Variants in NDST4 observed in about 807,000 individuals in gnomAD.
NDST4 encodes the protein N-deacetylase and N-sulfotransferase 4.
A neutral mutation model predicts 100.8 loss-of-function variants in NDST4; 63 were observed. The observed-to-expected ratio is 0.62, with a 90% confidence interval of 0.51 to 0.77. The LOEUF is 0.77. Ranked by LOEUF, NDST4 falls within the 30% of genes least tolerant of loss-of-function variation. The pLI, the probability that NDST4 is intolerant of heterozygous loss-of-function variation, is 0.00. For missense variants in NDST4, 943 were observed against 1,018.4 expected, an observed-to-expected ratio of 0.93 and a Z score of 1.01; for synonymous variants, 377 against 361.8, an observed-to-expected ratio of 1.04 and a Z score of -0.48.
At chr4:115,095,224 C>G (rs1183662025) in intron 1 of NDST4, among the ~76,000 whole-genome samples, 1 of 152,092 alleles carries the variant, frequency 6.6e-6, no homozygotes, top group East Asian at 1.9e-4. Flanking sequence ...CAAAGACACT[C>G]AGCACTCCAA....
At chr4:114,997,839 C>T (rs1430867209) in intron 2 of NDST4, among the ~76,000 whole-genome samples, 1 of 152,006 alleles carries the variant, frequency 6.6e-6, no homozygotes, top group East Asian at 1.9e-4. Flanking sequence ...CTGCCCACTC[C>T]AACCATCAAA....
chr4:114,856,378 C>T (rs10009402), intron 7 of NDST4, among the ~76,000 whole-genome samples: 6,630 of 152,114 alleles, frequency 0.044, 413 homozygotes, highest in South Asian at 0.18. Context: ...AAATTTTCAG[C>T]TCTAATTTTT....
intron 1 of NDST4, among the ~76,000 whole-genome samples, chr4:115,110,178 C>A (rs1729916240): frequency 6.6e-6 from 1 of 151,844 alleles, no homozygotes; most frequent in South Asian, 2.1e-4. Flanking sequence ...ATTAGAAATG[C>A]CTGTATATAT....
chr4:115,101,010 G>GTCATGAT (rs1729719441), intron 1 of NDST4, among the ~76,000 whole-genome samples: 1 of 151,896 alleles, frequency 6.6e-6, no homozygotes, highest in Non-Finnish European at 1.5e-5. Context: ...AAATAGAAGT[G>GTCATGAT]TCATGATTTG....
At position 114,970,330 on chromosome 4, in the gene NDST4, ATTCTAT is replaced by A. The variant is rs1443706598; in HGVS notation, c.1221+94_1221+99del. ...GTGATGCACCCTGATATTATATTTT[ATTCTAT>A]TTCTATCATATTCAACCCAATACAT... On this transcript the variant is annotated intron_variant, in intron 4 of 13. Transcript: ENST00000264363. The A allele has an allele frequency of 7.8e-6, 8 of 1,031,888 alleles. No individual in the cohort carries two copies. The Admixed American group carries it at 8.0e-5, about 10-fold the overall frequency. The allele number at this position is 1,031,888 out of a possible 1,614,324, so 63.9% of individuals were successfully genotyped here.
intron 4 of NDST4, among the ~76,000 whole-genome samples, chr4:114,945,913 C>T (rs1191485302): frequency 6.6e-6 from 1 of 150,660 alleles, no homozygotes; most frequent in Non-Finnish European, 1.5e-5. Context: ...GGACTGAAGC[C>T]TAGCAAATGG....
At chr4:114,967,615 T>C (rs994675367) in intron 4 of NDST4, among the ~76,000 whole-genome samples, 5 of 152,132 alleles carry the variant, frequency 3.3e-5, no homozygotes, top group Admixed American at 3.3e-4. Context: ...TAAACATGTT[T>C]TATTTTCAAG....
intron 2 of NDST4, among the ~76,000 whole-genome samples, chr4:115,058,965 A>G (rs1728758633): frequency 6.8e-6 from 1 of 147,418 alleles, no homozygotes; most frequent in South Asian, 2.1e-4. Context: ...GAAACTGTGG[A>G]AAGAGTTCTG....
intron 2 of NDST4, among the ~76,000 whole-genome samples, chr4:115,017,099 A>G (rs548269631): frequency 6.6e-6 from 1 of 152,062 alleles, no homozygotes; most frequent in East Asian, 1.9e-4. Flanking sequence ...GTATTGTTCA[A>G]TTAGTTACTT....
At chr4:114,935,647 T>C (rs569384247) in intron 5 of NDST4, among the ~76,000 whole-genome samples, 2 of 152,308 alleles carry the variant, frequency 1.3e-5, no homozygotes, top group East Asian at 1.9e-4. Flanking sequence ...CACCCAAAGA[T>C]GGAAATTCTC....
intron 6 of NDST4, among the ~76,000 whole-genome samples, chr4:114,878,939 T>A (rs1724311946): frequency 1.3e-5 from 2 of 152,098 alleles, no homozygotes; most frequent in Admixed American, 6.6e-5. Context: ...GTTAAACCAG[T>A]AAATTTTGGA....
In NDST4 at chr4:115,071,752, G is replaced by T. The variant is rs1056910037; in HGVS notation, c.978+4307C>A. ...TGTTGTACTACCAGAAAAAAAAAAT[G>T]AGAATGAAGAATATGAGACTGTCAA... is the stretch of plus-strand genomic sequence containing the variant. On this transcript the variant is annotated intron_variant, in intron 2 of 13. Transcript: ENST00000264363. 2.6e-5 allele frequency among the ~76,000 whole-genome samples: 4 copies of T among 151,846 alleles called. No individual in the cohort carries two copies. The East Asian group carries it at 7.7e-4, about 29-fold the overall frequency.
intron 6 of NDST4, among the ~76,000 whole-genome samples, chr4:114,895,912 A>T (rs908739419): frequency 6.6e-6 from 1 of 152,310 alleles, no homozygotes. Flanking sequence ...AATGTAACCC[A>T]TCACATAAAT....
intron 2 of NDST4, among the ~76,000 whole-genome samples, chr4:114,998,225 A>T (rs530223161): frequency 6.6e-6 from 1 of 152,242 alleles, no homozygotes; most frequent in African/African-American, 2.4e-5. Flanking sequence ...GCAAAAACGG[A>T]TGCTTCACAC....
At chr4:114,914,850 G>A (rs1327104899) in intron 6 of NDST4, among the ~76,000 whole-genome samples, 1 of 152,026 alleles carries the variant, frequency 6.6e-6, no homozygotes, top group Non-Finnish European at 1.5e-5. Flanking sequence ...TCCCTTTAAT[G>A]TTTCATTAAC....
intron 2 of NDST4, among the ~76,000 whole-genome samples, chr4:115,025,093 A>ATTATAAATTACCGTTCG (rs1232705887): frequency 6.6e-6 from 1 of 152,174 alleles, no homozygotes; most frequent in Non-Finnish European, 1.5e-5. Context: ...ATTTCTGTTC[A>ATTATAAATTACCGTTCG]TTATAAATTA....
At chr4:114,880,942 C>T (rs528522293) in intron 6 of NDST4, among the ~76,000 whole-genome samples, 207 of 152,126 alleles carry the variant, frequency 1.4e-3, no homozygotes, top group African/African-American at 4.6e-3. Flanking sequence ...GCTGAGATTA[C>T]GTGTTAAGAC....
chr4:115,022,747 G>A (rs1727886223), intron 2 of NDST4, among the ~76,000 whole-genome samples: 1 of 152,028 alleles, frequency 6.6e-6, no homozygotes, highest in Admixed American at 6.6e-5. Context: ...ATGAGGGCGG[G>A]TCTTTCCTGT....
At chr4:115,052,435 C>T (rs758987226) in intron 2 of NDST4, among the ~76,000 whole-genome samples, 8 of 152,204 alleles carry the variant, frequency 5.3e-5, no homozygotes, top group Admixed American at 1.3e-4. Context: ...GCTGTGCTGC[C>T]ACCCAAATCT....
Sources: gnomAD v4.1 joint callset for allele counts (sites outside exome capture counted in the v4.1 genomes callset) on GRCh38, gnomAD v4.1.1 for gene constraint, MANE v1.5 for transcripts, NCBI Gene and HGNC (gene_info 2026-07-23, HGNC 2026-07-21) for gene names.